Variants in ZNF678 observed in about 807,000 individuals in gnomAD.
ZNF678 encodes the protein zinc finger protein 678.
A neutral mutation model predicts 3.0 loss-of-function variants in ZNF678; 5 were observed. The observed-to-expected ratio is 1.69, with a 90% confidence interval of 0.88 to 3.56. The LOEUF (loss-of-function observed/expected upper bound fraction) is 3.56, where lower values mean the gene tolerates loss of function less well. Ranked by LOEUF, ZNF678 falls within the 30% of genes most tolerant of loss-of-function variation. The probability of loss-of-function intolerance (pLI) is 0.00; values close to 1 mark genes in which losing one functional copy is unlikely to be tolerated. For synonymous variants in ZNF678, 218 were observed against 199.6 expected (o/e 1.09, Z -0.78); for missense variants, 593 against 605.0 (o/e 0.98, Z 0.21).
Position 227,654,261 on chromosome 1 carries a change from A to G in ZNF678, c.86-75A>G, listed in dbSNP as rs190428363. 166 of 1,126,322 alleles carry G rather than the reference A, an allele frequency of 1.5e-4. No homozygotes were observed. The East Asian group carries it at 3.7e-3, about 25-fold the overall frequency. The allele number at this position is 1,126,322 out of a possible 1,614,324, so 69.8% of individuals were successfully genotyped here. A position where few individuals can be genotyped will look rare whatever the true frequency, so the allele number is the denominator to read the frequency against. On this transcript the variant is annotated intron_variant, in intron 3 of 3. Coordinates refer to ENST00000343776, the MANE Select transcript of ZNF678 (RefSeq NM_001367909.1). The stretch of plus-strand genomic sequence containing the variant: ...TCTTGTTAATGTCTCTGATATAATT[A>G]TATTTATTAGATTTGTAAAGTATAT...
chr1:227,673,989 A>G (rs1357391012), intron 5 of ZNF678, among the ~76,000 whole-genome samples: 1 of 152,208 alleles, frequency 6.6e-6, no homozygotes, highest in Non-Finnish European at 1.5e-5. Context: ...CTTTCTCTCT[A>G]CAATTTATTT....
In ZNF678 at chr1:227,656,522, A is replaced by G. The variant is rs1438971913; in HGVS notation, c.*694A>G. On this transcript the variant is annotated 3_prime_UTR_variant, in exon 4 of 4. Coordinates refer to ENST00000343776, the MANE Select transcript of ZNF678 (RefSeq NM_001367909.1). The stretch of plus-strand genomic sequence containing the variant: ...AAAGTATGTGGTCAGTTGTTGCTGC[A>G]TAAGAGCTATGAGAAGTTCTTCTAT... The G allele has an allele frequency of 6.6e-6, 1 of 151,814 alleles. No homozygotes were observed. Among genetic ancestry groups the G allele is most frequent in the African/African-American group, 2.4e-5 (1 of 41,386 alleles). 9.4% of individuals were successfully genotyped at this position (151,814 alleles called of 1,614,324 possible).
intron 1 of ZNF678, among the ~76,000 whole-genome samples, chr1:227,640,884 G>T (rs1393614021): frequency 6.6e-6 from 1 of 152,176 alleles, no homozygotes; most frequent in Non-Finnish European, 1.5e-5. Flanking sequence ...TAAAAGGAGC[G>T]ATCATCACTG....
Position 227,656,611 on chromosome 1 carries a change from A to G in ZNF678, c.*783A>G, listed in dbSNP as rs373633710. 1 of 151,888 alleles carries G rather than the reference A, an allele frequency of 6.6e-6. No homozygotes were observed. Among genetic ancestry groups the G allele is most frequent in the African/African-American group, 2.4e-5 (1 of 41,408 alleles). The allele number at this position is 151,888 out of a possible 1,614,324, so 9.4% of individuals were successfully genotyped here. Reference sequence around the variant, plus strand: ...TTAAGGGCACCGAAATGTAACATTTATAAGGAAAATCTAAGTAGAAATGCT... The same window carrying G: ...TTAAGGGCACCGAAATGTAACATTTGTAAGGAAAATCTAAGTAGAAATGCT... On this transcript the variant is annotated 3_prime_UTR_variant, in exon 4 of 4. Transcript: ENST00000343776.
intron 1 of ZNF678, among the ~76,000 whole-genome samples, chr1:227,617,412 T>C (rs913619407): frequency 3.3e-5 from 5 of 152,228 alleles, no homozygotes; most frequent in African/African-American, 9.6e-5. Flanking sequence ...GCAGTACCTA[T>C]ACCGTCATGG....
chr1:227,598,733 G>A, intron 1 of ZNF678: 1 of 524,678 alleles, frequency 1.9e-6, no homozygotes, highest in East Asian at 4.3e-5. Flanking sequence ...ATGACATGGA[G>A]CTTTCAGAAG....
chr1:227,673,556 C>T (rs1433628211), intron 5 of ZNF678, among the ~76,000 whole-genome samples: 1 of 152,216 alleles, frequency 6.6e-6, no homozygotes, highest in Non-Finnish European at 1.5e-5. Context: ...CCCGGCCAAA[C>T]ACTAAATAAA....
chr1:227,672,687 C>T (rs1332272438), intron 5 of ZNF678, among the ~76,000 whole-genome samples: 1 of 151,974 alleles, frequency 6.6e-6, no homozygotes, highest in Non-Finnish European at 1.5e-5. Flanking sequence ...GACCTTCATG[C>T]TGTGGGTCGG....
intron 1 of ZNF678, among the ~76,000 whole-genome samples, chr1:227,592,360 C>A (rs949198378): frequency 6.6e-6 from 1 of 152,218 alleles, no homozygotes; most frequent in Admixed American, 6.5e-5. Context: ...GCCATTGCTG[C>A]CAGGGCCCTT....
intron 1 of ZNF678, among the ~76,000 whole-genome samples, chr1:227,639,856 C>T (rs1571906529): frequency 6.6e-6 from 1 of 152,084 alleles, no homozygotes; most frequent in Non-Finnish European, 1.5e-5. Flanking sequence ...CAGGTTACTT[C>T]GTAAGACTGG....
chr1:227,637,716 C>G (rs1310632936), intron 1 of ZNF678, among the ~76,000 whole-genome samples: 2 of 152,090 alleles, frequency 1.3e-5, no homozygotes, highest in African/African-American at 4.8e-5. Flanking sequence ...CCTTTAGCAG[C>G]TTCGTATAAC....
chr1:227,569,106 C>T (rs532616787), intron 1 of ZNF678, among the ~76,000 whole-genome samples: 18 of 152,296 alleles, frequency 1.2e-4, no homozygotes, highest in African/African-American at 3.9e-4. Context: ...CTTCCTGCCT[C>T]ACCCTCTGGA....
At chr1:227,627,346 T>C (rs1292209664) in intron 1 of ZNF678, among the ~76,000 whole-genome samples, 1 of 152,124 alleles carries the variant, frequency 6.6e-6, no homozygotes, top group Non-Finnish European at 1.5e-5. Context: ...ATTCCATTTC[T>C]TCTGCTGAGT....
At chr1:227,629,011 T>C (rs1385133059) in intron 1 of ZNF678, among the ~76,000 whole-genome samples, 8 of 152,318 alleles carry the variant, frequency 5.3e-5, no homozygotes, top group African/African-American at 1.9e-4. Flanking sequence ...AAGGGTTAGG[T>C]GCAGCTGGGT....
At chr1:227,645,410 A>T (rs761862729) in intron 1 of ZNF678, among the ~76,000 whole-genome samples, 1 of 152,132 alleles carries the variant, frequency 6.6e-6, no homozygotes, top group African/African-American at 2.4e-5. Flanking sequence ...TATATTTGTA[A>T]TGTTTCTGCC....
chr1:227,567,934 T>G (rs968249239), intron 1 of ZNF678, among the ~76,000 whole-genome samples: 1 of 152,130 alleles, frequency 6.6e-6, no homozygotes, highest in Non-Finnish European at 1.5e-5. Context: ...AGAAAAGGGC[T>G]TTATTTAAAG....
At chr1:227,584,308 A>C (rs1657205462) in intron 1 of ZNF678, among the ~76,000 whole-genome samples, 1 of 152,204 alleles carries the variant, frequency 6.6e-6, no homozygotes, top group Non-Finnish European at 1.5e-5. Context: ...AGGAAAATTA[A>C]TGACTACCTT....
intron 1 of ZNF678, among the ~76,000 whole-genome samples, chr1:227,602,983 G>T (rs1427059889): frequency 1.3e-5 from 2 of 152,068 alleles, no homozygotes; most frequent in Non-Finnish European, 2.9e-5. Flanking sequence ...CCCCAGCCTG[G>T]GCAACATACC....
At chr1:227,650,798 A>T (rs1242533118) in intron 2 of ZNF678, among the ~76,000 whole-genome samples, 158 bp from the exon 3 acceptor site, 1 of 152,152 alleles carries the variant, frequency 6.6e-6, no homozygotes, top group Non-Finnish European at 1.5e-5. Flanking sequence ...ATATTTGTAT[A>T]ACCTTTTATA....
Sources: gnomAD v4.1 joint callset for allele counts (sites outside exome capture counted in the v4.1 genomes callset) on GRCh38, gnomAD v4.1.1 for gene constraint, MANE v1.5 for transcripts, NCBI Gene and HGNC (gene_info 2026-07-23, HGNC 2026-07-21) for gene names.